CCDC57: variants seen among roughly 807,000 people sequenced by gnomAD.
CCDC57 encodes coiled-coil domain containing 57.
Under a neutral mutation model 118.9 loss-of-function variants are expected in CCDC57, and 118 were observed. The ratio of observed to expected loss-of-function variants is 0.99; its 90% CI spans 0.86 to 1.16. The LOEUF is 1.16. Ranked by LOEUF, CCDC57 falls within the 50% of genes most tolerant of loss-of-function variation. The pLI is 0.00. For synonymous variants in CCDC57, 527 were observed against 532.9 expected (o/e 0.99, Z 0.15); for missense variants, 1,300 against 1,320.7 (o/e 0.98, Z 0.24).
rs943323282 is a variant in CCDC57, at chr17:82,212,757, C to G, written c.-211+28G>C. 10 of 152,338 alleles carry G rather than the reference C, an allele frequency of 6.6e-5. No homozygotes were observed. The highest frequency in any genetic ancestry group is 2.6e-4 in the Admixed American group (4 of 15,284). The allele number at this position is 152,338 out of a possible 1,614,324, so 9.4% of individuals were successfully genotyped here. A position where few individuals can be genotyped will look rare whatever the true frequency, so the allele number is the denominator to read the frequency against. ...AGCGGCGCCCCCCACGCCTCCCACG[C>G]CTCCCACGCCGCCCGCCCGCACCTC... On this transcript the variant is annotated intron_variant, in intron 1 of 19. Coordinates refer to ENST00000665763, the Ensembl canonical transcript of CCDC57. The surrounding 1 kb of genome is among the most constrained non-coding windows in gnomAD (Gnocchi z 4.1).
chr17:82,148,132 TGG>T (rs2041123570), intron 16 of CCDC57, among the ~76,000 whole-genome samples: 1 of 31,092 alleles, frequency 3.2e-5, no homozygotes. Context: ...GTTAGATGGA[TGG>T]ATGGATGGAT....
intron 17 of CCDC57, among the ~76,000 whole-genome samples, chr17:82,131,358 G>C (rs1357478774): frequency 6.6e-6 from 1 of 151,916 alleles, no homozygotes; most frequent in Non-Finnish European, 1.5e-5. Context: ...TTGAACCTGG[G>C]AGGCAGAGGT....
chr17:82,104,268 C>T (rs1275101517), intron 19 of CCDC57, among the ~76,000 whole-genome samples: 1 of 152,248 alleles, frequency 6.6e-6, no homozygotes, highest in African/African-American at 2.4e-5. Context: ...CATGTGGACA[C>T]ACAGTTTGCC....
At chr17:82,193,723 A>G in intron 7 of CCDC57, 33 bp downstream of exon 6, 1 of 1,560,246 alleles carries the variant, frequency 6.4e-7, no homozygotes, top group Non-Finnish European at 8.7e-7. Flanking sequence ...GGCCACTGAC[A>G]TGCTGCATGA....
chr17:82,124,332 T>C (rs190391691), intron 19 of CCDC57, among the ~76,000 whole-genome samples: 1 of 152,004 alleles, frequency 6.6e-6, no homozygotes, highest in East Asian at 1.9e-4. Context: ...GCAGTATCTG[T>C]GGGGAAAGGG....
exon 7 of CCDC57, chr17:82,193,768 G>A (rs1351546331): frequency 6.9e-6 from 11 of 1,598,604 alleles, no homozygotes; most frequent in Non-Finnish European, 9.4e-6. Flanking sequence ...CCTCTTAAAT[G>A]TTTCCTCTTC....
At chr17:82,196,235 C>T (rs532330502) in intron 4 of CCDC57, among the ~76,000 whole-genome samples, 24 of 152,372 alleles carry the variant, frequency 1.6e-4, no homozygotes, top group African/African-American at 5.8e-4. Context: ...TTTGGAGCCA[C>T]TTGAGGAAGC....
At chr17:82,195,547 G>C (rs2048200412) in intron 4 of CCDC57, among the ~76,000 whole-genome samples, 183 bp from the exon 4 acceptor site, 1 of 152,078 alleles carries the variant, frequency 6.6e-6, no homozygotes, top group Non-Finnish European at 1.5e-5. Flanking sequence ...GGGAGGCCGA[G>C]GCGGGAGGAT....
In CCDC57 at chr17:82,157,737, C is replaced by T. The variant is rs565028111; in HGVS notation, c.2241+11G>A. 1.6e-5 allele frequency: 25 copies of T among 1,573,388 alleles called. No homozygotes were observed. The highest frequency in any genetic ancestry group is 2.2e-4 in the Middle Eastern group (1 of 4,472). ...CTCGGCGGGTGGCAGGAGGAGCTAG[C>T]GGGCACCCACCTCTCTCCCAAGGGC... On this transcript the variant is annotated intron_variant, in intron 15 of 19. Transcript: ENST00000665763.
At position 82,123,216 on chromosome 17, in the gene CCDC57, C is replaced by T. The variant is rs562984269; in HGVS notation, c.2899+4476G>A. On this transcript the variant is annotated intron_variant, in intron 19 of 19. Coordinates refer to ENST00000665763, the Ensembl canonical transcript of CCDC57. ...AATCACAGCTCACTGCGGCCTAGAA[C>T]TCCTGGGCTCAAGTGATCCTCCTGC... Among the ~76,000 whole-genome samples, 4 of 143,012 alleles carry T rather than the reference C, an allele frequency of 2.8e-5. No homozygotes were observed. The South Asian group carries it at 8.9e-4, about 32-fold the overall frequency. The allele number at this position is 143,012 out of a possible 152,430, so 93.8% of individuals were successfully genotyped here.
At chr17:82,183,554 A>G (rs1355507529) in intron 9 of CCDC57, among the ~76,000 whole-genome samples, 1 of 152,050 alleles carries the variant, frequency 6.6e-6, no homozygotes, top group African/African-American at 2.4e-5. Flanking sequence ...GAGAAACACC[A>G]TCCTCTGGCC....
rs980560642 is a variant in CCDC57, at chr17:82,184,003, C to T, written c.1053-71G>A. On this transcript the variant is annotated intron_variant, in intron 8 of 19. Transcript: ENST00000665763. The stretch of plus-strand genomic sequence containing the variant: ...AAGTTGTCTCTTACACAGCACCCCC[C>T]AGCAAATACACATGCGCGCGCGCGC... 22 of 1,235,818 alleles carry T rather than the reference C, an allele frequency of 1.8e-5. No individual in the cohort carries two copies. In the African/African-American group the frequency reaches 2.9e-4, roughly 16 times the overall value. The allele number at this position is 1,235,818 out of a possible 1,614,324, so 76.6% of individuals were successfully genotyped here.
intron 13 of CCDC57, among the ~76,000 whole-genome samples, chr17:82,167,231 T>C (rs1326395526): frequency 6.6e-6 from 1 of 151,974 alleles, no homozygotes; most frequent in Non-Finnish European, 1.5e-5. Flanking sequence ...AAATAATGAA[T>C]GAAAACTTCT....
At chr17:82,181,379 C>G (rs1270565289) in intron 9 of CCDC57, among the ~76,000 whole-genome samples, 1 of 152,240 alleles carries the variant, frequency 6.6e-6, no homozygotes, top group Non-Finnish European at 1.5e-5. Flanking sequence ...TGAGTCAGCC[C>G]TGGTGAAAAG....
intron 1 of CCDC57, among the ~76,000 whole-genome samples, chr17:82,209,390 A>C (rs1259141018): frequency 2.0e-5 from 3 of 152,238 alleles, no homozygotes; most frequent in Non-Finnish European, 4.4e-5. Context: ...AAACAAAAAA[A>C]CTTAAAATCA....
chr17:82,172,728 G>A lies in CCDC57; in HGVS notation c.1639C>T (p.His547Tyr). 1 of 1,597,156 alleles carries A rather than the reference G, an allele frequency of 6.3e-7. No homozygotes were observed. Among genetic ancestry groups the A allele is most frequent in the Non-Finnish European group, 8.5e-7 (1 of 1,171,960 alleles). The stretch of plus-strand genomic sequence containing the variant: ...GTCTGGATGGGAGGAGGAATCTGAT[G>A]GCTTAGAGCCTCCATTTCTTTCCTC... The change falls in exon 12 of 20, where the codon CAT becomes TAT. Residue 547 changes from histidine (H) to tyrosine (Y), a missense_variant. Coordinates refer to ENST00000665763, the Ensembl canonical transcript of CCDC57. The surrounding 1 kb of genome is among the most constrained non-coding windows in gnomAD (Gnocchi z 5.2).
chr17:82,127,275 C>T (rs921932590), intron 19 of CCDC57: 7 of 985,118 alleles, frequency 7.1e-6, no homozygotes, highest in Admixed American at 6.2e-5. Context: ...CCGGGAGCAT[C>T]GCTGGGGTCG....
intron 13 of CCDC57, among the ~76,000 whole-genome samples, chr17:82,169,908 G>GC (rs1170485415): frequency 6.6e-6 from 1 of 152,168 alleles, no homozygotes; most frequent in Non-Finnish European, 1.5e-5. Context: ...TAAAAGGCAA[G>GC]CCATAGACTG....
intron 17 of CCDC57, among the ~76,000 whole-genome samples, chr17:82,130,742 A>T (rs2038232628): frequency 6.7e-6 from 1 of 149,850 alleles, no homozygotes; most frequent in Non-Finnish European, 1.5e-5. Flanking sequence ...ACCTCAGATG[A>T]TCTGCCCGCC....
Sources: allele counts gnomAD v4.1 joint callset (sites outside exome capture counted in the v4.1 genomes callset), GRCh38; gene constraint gnomAD v4.1.1; non-coding constraint Gnocchi (gnomAD v3.1); transcripts MANE v1.5; gene names NCBI Gene and HGNC (gene_info 2026-07-23, HGNC 2026-07-21).